Variants in DOP1A observed in about 807,000 individuals in gnomAD.
DOP1A encodes DOP1 leucine zipper like protein A.
A neutral mutation model predicts 267.6 loss-of-function variants in DOP1A; 90 were observed. That is an observed-to-expected ratio of 0.34 (90% confidence interval 0.28 to 0.40). The LOEUF (loss-of-function observed/expected upper bound fraction) is 0.40. DOP1A is among the 10% of genes least tolerant of loss of function. DOP1A has a pLI of 1.00. For synonymous variants in DOP1A, 932 were observed against 999.1 expected (o/e 0.93, Z 1.27); for missense variants, 2,437 against 2,900.4 (o/e 0.84, Z 3.67).
intron 19 of DOP1A, 138 bp from the exon 20 acceptor site, chr6:83,135,481 A>G (rs1181811973): frequency 2.3e-5 from 22 of 960,168 alleles, no homozygotes; most frequent in Admixed American, 8.8e-5. Context: ...TTAAAATACT[A>G]TGATCAAAAT....
rs558529083 is a variant in DOP1A, at chr6:83,081,681, G to T, written c.-147+13902G>T. ...AGCACAGGCAACAAAAGCAAAAATA[G>T]ACAAATGGGGTTATATGAAATTAAA... On this transcript the variant is annotated intron_variant, in intron 1 of 38. Coordinates refer to ENST00000349129, the MANE Select transcript of DOP1A (RefSeq NM_015018.4). Among the ~76,000 whole-genome samples the T allele has an allele frequency of 2.0e-5, 3 of 152,250 alleles. No individual in the cohort carries two copies. The South Asian group carries it at 6.2e-4, about 32-fold the overall frequency.
At chr6:83,169,575 T>C, downstream of DOP1A, 1 of 495,246 alleles carries the variant, frequency 2.0e-6, no homozygotes, top group South Asian at 2.0e-5. Flanking sequence ...ATAGCTATCA[T>C]TCCACAACTG....
chr6:83,151,717 T>C, intron 28 of DOP1A, 58 bp downstream of exon 28: 3 of 1,525,434 alleles, frequency 2.0e-6, no homozygotes, highest in Non-Finnish European at 2.7e-6. Flanking sequence ...AATTTGAAAA[T>C]GAGAGAGTCA....
chr6:83,166,720 G>T, intron 38 of DOP1A: 1 of 1,204,422 alleles, frequency 8.3e-7, no homozygotes, highest in Non-Finnish European at 1.0e-6. Context: ...TTTAAAATAA[G>T]CAATAAGCTT....
chr6:83,171,218 G>A (rs1462041165), downstream of DOP1A: 1 of 152,126 alleles, frequency 6.6e-6, no homozygotes, highest in Non-Finnish European at 1.5e-5. Context: ...TATGAAGAAT[G>A]TATAGGGCAA....
intron 4 of DOP1A, among the ~76,000 whole-genome samples, chr6:83,106,582 G>T (rs554282693): frequency 6.6e-6 from 1 of 152,222 alleles, no homozygotes; most frequent in South Asian, 2.1e-4. Context: ...GGCCGAGGTG[G>T]GTGGATTACC....
chr6:83,171,001 TA>T, downstream of DOP1A: 1 of 152,798 alleles, frequency 6.5e-6, no homozygotes, highest in East Asian at 1.9e-4. Flanking sequence ...TAATGCAGAG[TA>T]AGTACTTTCA....
chr6:83,109,151 A>G (rs1774132394), intron 5 of DOP1A, 71 bp downstream of exon 5: 1 of 1,349,406 alleles, frequency 7.4e-7, no homozygotes, highest in Non-Finnish European at 1.0e-6. Flanking sequence ...TAGGTCAAAT[A>G]TGTTTTAACA....
intron 4 of DOP1A, among the ~76,000 whole-genome samples, chr6:83,103,116 C>T (rs1381313279): frequency 2.6e-5 from 4 of 151,720 alleles, no homozygotes; most frequent in Non-Finnish European, 2.9e-5. Flanking sequence ...ATTATTTATC[C>T]TGTTGGTATT....
chr6:83,135,160 T>A (rs1778684147), intron 19 of DOP1A, among the ~76,000 whole-genome samples: 1 of 152,132 alleles, frequency 6.6e-6, no homozygotes, highest in Non-Finnish European at 1.5e-5. Context: ...GTTTTTCTGA[T>A]TCCAAACCAC....
chr6:83,161,816 C>T (rs878947871), intron 37 of DOP1A, among the ~76,000 whole-genome samples: 6 of 152,164 alleles, frequency 3.9e-5, no homozygotes, highest in African/African-American at 1.4e-4. Context: ...AATTCTGCTA[C>T]ATCCAAGGAT....
chr6:83,091,005 C>T (rs1164088040), intron 1 of DOP1A, among the ~76,000 whole-genome samples: 2 of 151,688 alleles, frequency 1.3e-5, no homozygotes, highest in African/African-American at 4.8e-5. Flanking sequence ...GAAGTTTAAT[C>T]GGACTTACAG....
intron 17 of DOP1A, 25 bp downstream of exon 17, chr6:83,130,422 G>A: frequency 6.3e-7 from 1 of 1,592,250 alleles, no homozygotes; most frequent in Non-Finnish European, 8.5e-7. Flanking sequence ...ATGCATATAT[G>A]ACTATGATGA....
intron 17 of DOP1A, among the ~76,000 whole-genome samples, chr6:83,130,767 G>A (rs1777890617): frequency 6.6e-6 from 1 of 151,546 alleles, no homozygotes; most frequent in African/African-American, 2.4e-5. Context: ...TTTTGAGACG[G>A]TCTTGCTGTC....
At chr6:83,114,553 A>G (rs1431119590) in intron 7 of DOP1A, among the ~76,000 whole-genome samples, 1 of 152,160 alleles carries the variant, frequency 6.6e-6, no homozygotes, top group African/African-American at 2.4e-5. Context: ...TATCCAAAAA[A>G]TTTATTGACT....
At chr6:83,169,082 C>T, downstream of DOP1A, 1 of 1,435,362 alleles carries the variant, frequency 7.0e-7, no homozygotes, top group Non-Finnish European at 9.1e-7. Context: ...AAGAATTATT[C>T]TGTTAGTGTT....
At chr6:83,135,386 A>T (rs1189660602) in intron 19 of DOP1A, among the ~76,000 whole-genome samples, 1 of 151,986 alleles carries the variant, frequency 6.6e-6, no homozygotes, top group Non-Finnish European at 1.5e-5. Flanking sequence ...ATGCCTGTGA[A>T]ATTTCAAAGC....
intron 30 of DOP1A, among the ~76,000 whole-genome samples, chr6:83,152,678 G>C (rs1408436592): frequency 3.3e-5 from 5 of 150,074 alleles, no homozygotes. Flanking sequence ...AGTCAAGTGG[G>C]GTGATCTCAG....
chr6:83,155,885 T>TA (rs1313086731), intron 33 of DOP1A, 66 bp from the exon 34 acceptor site: 15 of 1,549,210 alleles, frequency 9.7e-6, no homozygotes, highest in Non-Finnish European at 1.2e-5. Context: ...CTAGCTATTT[T>TA]AAAAAACAAC....
Sources: allele counts gnomAD v4.1 joint callset (sites outside exome capture counted in the v4.1 genomes callset), GRCh38; gene constraint gnomAD v4.1.1; transcripts MANE v1.5; gene names NCBI Gene and HGNC (gene_info 2026-07-23, HGNC 2026-07-21).